LINGO2: variants seen among roughly 807,000 people sequenced by gnomAD.
The protein encoded by LINGO2 is leucine rich repeat and Ig domain containing 2.
LINGO2 carries 14 observed loss-of-function variants against 30.6 expected under a neutral mutation model. The ratio of observed to expected loss-of-function variants is 0.46; its 90% confidence interval spans 0.30 to 0.72. LINGO2 has a LOEUF of 0.72. Among genes scored for constraint, LINGO2 ranks in the 30% least tolerant of loss-of-function variants. The pLI is 0.07. For missense variants in LINGO2, 729 were observed against 751.7 expected, an observed-to-expected ratio of 0.97 and a Z score of 0.35; for synonymous variants, 317 against 288.5, an observed-to-expected ratio of 1.10 and a Z score of -1.00.
At position 27,950,392 on chromosome 9, in the gene LINGO2, C is replaced by T. The variant is rs181629659; in HGVS notation, c.280G>A (p.Ala94Thr). ...TTGAATGCTCCTGGTTCCACATTGG[C>T]AATGATGTTGTCACTCAAGTCTATC... The change falls in exon 6 of 6, where the codon GCC (alanine) becomes ACC (threonine). Residue 94 changes from alanine (A) to threonine (T), a missense_variant. Ala to Thr is a moderately conservative substitution (Grantham distance 58). Coordinates refer to ENST00000379992, the Ensembl canonical transcript of LINGO2. 153 of 1,614,154 alleles carry T rather than the reference C, an allele frequency of 9.5e-5. No individual in the cohort carries two copies. In the Admixed American group the frequency reaches 2.5e-3, roughly 26 times the overall value.
chr9:28,946,793 C>T, the LINGO2 span, among the ~76,000 whole-genome samples: 2 of 152,072 alleles, frequency 1.3e-5, no homozygotes, highest in East Asian at 1.9e-4. Flanking sequence ...AGAAGCAAGA[C>T]TATAGGCATG....
the LINGO2 span, among the ~76,000 whole-genome samples, chr9:28,889,285 C>A: frequency 6.6e-6 from 1 of 152,028 alleles, no homozygotes; most frequent in African/African-American, 2.4e-5. Flanking sequence ...GTCTCCAATG[C>A]CAAATGAGAG....
intron 1 of LINGO2, among the ~76,000 whole-genome samples, chr9:28,490,147 G>A (rs1826339481): frequency 6.6e-6 from 1 of 152,060 alleles, no homozygotes; most frequent in Non-Finnish European, 1.5e-5. Context: ...CCCAGTAGGT[G>A]GTTAAAACTT....
At chr9:28,543,516 C>A (rs1370988845) in intron 1 of LINGO2, among the ~76,000 whole-genome samples, 2 of 152,010 alleles carry the variant, frequency 1.3e-5, no homozygotes. Flanking sequence ...TGGGACTGAG[C>A]AACACTCGTA....
At chr9:28,088,540 C>G (rs1374451224) in intron 4 of LINGO2, among the ~76,000 whole-genome samples, 5 of 151,970 alleles carry the variant, frequency 3.3e-5, no homozygotes, top group Non-Finnish European at 7.4e-5. Flanking sequence ...TAGGTATATC[C>G]CAGGTCTAAG....
chr9:28,183,294 G>A (rs750419835), intron 4 of LINGO2, among the ~76,000 whole-genome samples: 2 of 152,130 alleles, frequency 1.3e-5, no homozygotes, highest in Non-Finnish European at 1.5e-5. Context: ...ACACACACCA[G>A]GGCCTGTTGA....
chr9:28,248,163 T>C (rs1822069656), intron 4 of LINGO2, among the ~76,000 whole-genome samples: 1 of 152,194 alleles, frequency 6.6e-6, no homozygotes, highest in African/African-American at 2.4e-5. Context: ...CTCCTATGTT[T>C]ATCACAGCAC....
At chr9:28,491,577 C>T (rs180740896) in intron 1 of LINGO2, among the ~76,000 whole-genome samples, 82 of 152,260 alleles carry the variant, frequency 5.4e-4, no homozygotes, top group African/African-American at 1.9e-3. Context: ...CATTATTTGA[C>T]TTATTTTAAC....
the LINGO2 span, among the ~76,000 whole-genome samples, chr9:28,840,639 T>A: frequency 6.6e-6 from 1 of 151,874 alleles, no homozygotes; most frequent in Non-Finnish European, 1.5e-5. Context: ...ACTTAAAAAA[T>A]AATCATTGAC....
the LINGO2 span, among the ~76,000 whole-genome samples, chr9:29,018,032 A>ATT: frequency 2.1e-5 from 2 of 96,872 alleles, no homozygotes; most frequent in Non-Finnish European, 4.6e-5. Context: ...GCATATATAT[A>ATT]TATAGAGAGA....
At chr9:28,527,658 C>T (rs577064645) in intron 1 of LINGO2, among the ~76,000 whole-genome samples, 7 of 152,142 alleles carry the variant, frequency 4.6e-5, no homozygotes, top group East Asian at 1.9e-4. Flanking sequence ...CCAGTGTGGA[C>T]GACATACCCC....
the LINGO2 span, among the ~76,000 whole-genome samples, chr9:28,842,784 T>C: frequency 6.6e-6 from 1 of 152,008 alleles, no homozygotes; most frequent in Admixed American, 6.5e-5. Flanking sequence ...TGAGTCTCAA[T>C]AAGCATTCTT....
At chr9:29,188,662 G>A in the LINGO2 span, among the ~76,000 whole-genome samples, 10 of 143,344 alleles carry the variant, frequency 7.0e-5, no homozygotes, top group Non-Finnish European at 1.6e-4. Context: ...GGGCAGAAGC[G>A]CCCCTCACCT....
rs199848474 is a variant in LINGO2 at position 28,030,928 on chromosome 9, T to TC, written c.-86-18524dup. Among the ~76,000 whole-genome samples, 28 of 152,196 alleles carry TC rather than the reference T, an allele frequency of 1.8e-4. No individual in the cohort carries two copies. In the East Asian group the frequency reaches 5.0e-3, roughly 27 times the overall value. The stretch of plus-strand genomic sequence containing the variant: ...GCATACCATTGACAAATTGCTGAAC[T>TC]CCCCAAGGCCACATTGCACTTTGAG... On this transcript the variant is annotated intron_variant, in intron 4 of 5. Coordinates refer to ENST00000379992, the Ensembl canonical transcript of LINGO2.
At chr9:28,420,602 G>C in intron 2 of LINGO2, among the ~76,000 whole-genome samples, 1 of 152,050 alleles carries the variant, frequency 6.6e-6, no homozygotes, top group South Asian at 2.1e-4. Flanking sequence ...CTATTGCTGG[G>C]GAGGGGCCAG....
At chr9:29,188,014 C>CTTTTTTTTTTTT in the LINGO2 span, among the ~76,000 whole-genome samples, 44 of 75,776 alleles carry the variant, frequency 5.8e-4, no homozygotes, top group East Asian at 1.3e-3. Context: ...TTGACAGAGT[C>CTTTTTTTTTTTT]TTTTTTTTTT....
chr9:29,204,357 A>G, the LINGO2 span, among the ~76,000 whole-genome samples: 1 of 152,106 alleles, frequency 6.6e-6, no homozygotes, highest in Non-Finnish European at 1.5e-5. Flanking sequence ...ACATAACACA[A>G]TTTCTCATTA....
At chr9:28,644,788 T>C (rs1396254658) in intron 1 of LINGO2, among the ~76,000 whole-genome samples, 1 of 151,984 alleles carries the variant, frequency 6.6e-6, no homozygotes, top group African/African-American at 2.4e-5. Flanking sequence ...TATCAAAACA[T>C]CTCCTGCACT....
At chr9:28,568,384 A>C (rs1369740001) in intron 1 of LINGO2, among the ~76,000 whole-genome samples, 6 of 152,078 alleles carry the variant, frequency 3.9e-5, no homozygotes, top group Admixed American at 3.9e-4. Context: ...TACTAGGCTT[A>C]GTACCTGGAT....
Sources: allele counts gnomAD v4.1 joint callset (sites outside exome capture counted in the v4.1 genomes callset), GRCh38; gene constraint gnomAD v4.1.1; transcripts MANE v1.5; gene names NCBI Gene and HGNC (gene_info 2026-07-23, HGNC 2026-07-21).